LUZP2: variants seen among roughly 807,000 people sequenced by gnomAD.
The protein encoded by LUZP2 is leucine zipper protein 2.
A neutral mutation model predicts 51.6 loss-of-function variants in LUZP2; 52 were observed. The ratio of observed to expected loss-of-function variants is 1.01; its 90% CI spans 0.81 to 1.27. LUZP2 has a LOEUF of 1.27. Ranked by LOEUF, LUZP2 falls within the 50% of genes most tolerant of loss-of-function variation. LUZP2 has a pLI of 0.00. For synonymous variants in LUZP2, 154 were observed against 137.3 expected, an observed-to-expected ratio of 1.12 and a Z score of -0.85; for missense variants, 436 against 395.4, an observed-to-expected ratio of 1.10 and a Z score of -0.87.
intron 9 of LUZP2, among the ~76,000 whole-genome samples, chr11:24,985,160 C>T (rs1856154429): frequency 1.3e-5 from 2 of 150,922 alleles, no homozygotes; most frequent in Admixed American, 1.3e-4. Context: ...TTCTATGTAC[C>T]AGTACTCTGC....
intron 9 of LUZP2, among the ~76,000 whole-genome samples, chr11:24,995,777 TA>T (rs1306245947): frequency 6.6e-6 from 1 of 152,050 alleles, no homozygotes; most frequent in Non-Finnish European, 1.5e-5. Flanking sequence ...CAGCATGCTC[TA>T]AATTCAATTC....
At chr11:24,779,430 C>T (rs1458568924) in intron 5 of LUZP2, among the ~76,000 whole-genome samples, 1 of 152,170 alleles carries the variant, frequency 6.6e-6, no homozygotes, top group African/African-American at 2.4e-5. Context: ...ATTTGAGATA[C>T]TTAAATGCTA....
chr11:24,868,423 A>G (rs575727104), intron 5 of LUZP2, among the ~76,000 whole-genome samples: 87 of 152,282 alleles, frequency 5.7e-4, no homozygotes, highest in African/African-American at 1.9e-3. Flanking sequence ...AAGATGCTAT[A>G]TAAGCCTGAG....
At chr11:24,700,856 A>G (rs1360638083) in intron 1 of LUZP2, among the ~76,000 whole-genome samples, 6 of 152,040 alleles carry the variant, frequency 3.9e-5, no homozygotes. Context: ...AAAGATATAT[A>G]TATGATGAAT....
At chr11:24,534,805 C>T (rs911392437) in intron 1 of LUZP2, among the ~76,000 whole-genome samples, 12 of 151,498 alleles carry the variant, frequency 7.9e-5, no homozygotes, top group African/African-American at 2.9e-4. Flanking sequence ...TGATGCTGTG[C>T]ATAATGTGCT....
At chr11:24,513,231 C>T (rs142927596) in intron 1 of LUZP2, among the ~76,000 whole-genome samples, 1 of 152,102 alleles carries the variant, frequency 6.6e-6, no homozygotes, top group South Asian at 2.1e-4. Context: ...ATTGTATTTG[C>T]TGACATGCAA....
In LUZP2 at chr11:24,780,169, T is replaced by A. The variant is rs1849047843; in HGVS notation, c.396+16861T>A. On this transcript the variant is annotated intron_variant, in intron 5 of 11. Transcript: ENST00000336930. ...GTAGGGCAGGTATTCAGGTTATCATTAATATTAATTACTTAAGTGTGTTTT... is the reference window on the plus strand; with the variant it reads ...GTAGGGCAGGTATTCAGGTTATCATAAATATTAATTACTTAAGTGTGTTTT... Among the ~76,000 whole-genome samples the A allele has an allele frequency of 2.0e-5, 3 of 152,182 alleles. No homozygotes were observed. In the South Asian group the frequency reaches 6.2e-4, roughly 32 times the overall value.
At chr11:25,021,633 G>T (rs1408015613) in intron 9 of LUZP2, among the ~76,000 whole-genome samples, 1 of 152,004 alleles carries the variant, frequency 6.6e-6, no homozygotes, top group African/African-American at 2.4e-5. Context: ...TAAAGAGAAA[G>T]TTTGAAAGAG....
intron 10 of LUZP2, among the ~76,000 whole-genome samples, chr11:25,058,595 A>T (rs1366357089): frequency 6.6e-6 from 1 of 152,172 alleles, no homozygotes; most frequent in Non-Finnish European, 1.5e-5. Context: ...GATTATTTGT[A>T]TAAGGTTCTC....
At chr11:24,998,967 A>G (rs1361893643) in intron 9 of LUZP2, among the ~76,000 whole-genome samples, 1 of 152,188 alleles carries the variant, frequency 6.6e-6, no homozygotes, top group East Asian at 1.9e-4. Flanking sequence ...TGTCTGTTAG[A>G]AGTCATCACC....
At chr11:24,910,830 T>C (rs952595614) in intron 6 of LUZP2, among the ~76,000 whole-genome samples, 7 of 152,154 alleles carry the variant, frequency 4.6e-5, no homozygotes, top group Middle Eastern at 3.4e-3. Context: ...GCCACCGTCC[T>C]CCAGACTCCA....
chr11:24,691,001 AAAAT>A (rs1419008372), intron 1 of LUZP2, among the ~76,000 whole-genome samples: 3 of 152,102 alleles, frequency 2.0e-5, no homozygotes, highest in African/African-American at 7.2e-5. Context: ...TTTCTGTTTA[AAAAT>A]AATGCAGTTT....
chr11:25,047,445 A>G (rs1590873971), intron 9 of LUZP2, among the ~76,000 whole-genome samples: 1 of 145,372 alleles, frequency 6.9e-6, no homozygotes, highest in East Asian at 2.1e-4. Flanking sequence ...TAACACTGGT[A>G]TCCAATAATA....
chr11:24,553,039 C>T (rs938912577), intron 1 of LUZP2, among the ~76,000 whole-genome samples: 3 of 151,520 alleles, frequency 2.0e-5, no homozygotes, highest in Admixed American at 6.6e-5. Flanking sequence ...AAGACATACA[C>T]ATACTGTAGA....
At chr11:24,936,580 C>T (rs1253282316) in intron 7 of LUZP2, among the ~76,000 whole-genome samples, 2 of 151,868 alleles carry the variant, frequency 1.3e-5, no homozygotes, top group Non-Finnish European at 2.9e-5. Context: ...GTTGGAGAAG[C>T]CCCTCTCATT....
chr11:24,873,904 T>C (rs1852163077), intron 5 of LUZP2, among the ~76,000 whole-genome samples: 1 of 152,140 alleles, frequency 6.6e-6, no homozygotes, highest in African/African-American at 2.4e-5. Flanking sequence ...ATAGTAACTG[T>C]GAAACTTAAC....
intron 5 of LUZP2, among the ~76,000 whole-genome samples, chr11:24,769,693 A>ATGTGTTT (rs1554988274): frequency 9.5e-6 from 1 of 105,750 alleles, no homozygotes; most frequent in Admixed American, 8.9e-5. Flanking sequence ...ATGGTGGTCT[A>ATGTGTTT]TTTTTTTTTT....
chr11:24,617,747 G>A (rs939181379), intron 1 of LUZP2, among the ~76,000 whole-genome samples: 1 of 151,978 alleles, frequency 6.6e-6, no homozygotes, highest in African/African-American at 2.4e-5. Context: ...CTTGAACCTC[G>A]GAGGTGGAGG....
intron 1 of LUZP2, among the ~76,000 whole-genome samples, chr11:24,648,738 A>T (rs888993678): frequency 6.6e-6 from 1 of 151,918 alleles, no homozygotes; most frequent in Non-Finnish European, 1.5e-5. Context: ...GATAAGGGGT[A>T]TATGCATACA....
Sources: gnomAD v4.1 joint callset for allele counts (sites outside exome capture counted in the v4.1 genomes callset) on GRCh38, gnomAD v4.1.1 for gene constraint, MANE v1.5 for transcripts, NCBI Gene and HGNC (gene_info 2026-07-23, HGNC 2026-07-21) for gene names.